Variants in BMP1 observed in about 807,000 individuals in gnomAD.
BMP1 encodes mammalian tolloid protein.
Under a neutral mutation model 116.8 loss-of-function variants are expected in BMP1, and 63 were observed. The observed-to-expected ratio is 0.54, with a 90% CI of 0.44 to 0.67. The LOEUF is 0.67. Among genes scored for constraint, BMP1 ranks in the 30% least tolerant of loss-of-function variants. BMP1 has a pLI of 0.00. For missense variants in BMP1, 1,183 were observed against 1,358.9 expected (o/e 0.87, Z 2.04); for synonymous variants, 536 against 533.4 (o/e 1.00, Z -0.07).
Position 22,201,053 on chromosome 8 carries a change from C to T in BMP1, c.2108-750C>T, listed in dbSNP as rs1829246584. ...CTGGGTCTGGTTTTCACTGCTGTCC[C>T]TCCCTGGTCCCTGCCCTCCACCCCC... On this transcript the variant is annotated intron_variant, in intron 15 of 19. Coordinates refer to ENST00000306385, the MANE Select transcript of BMP1 (RefSeq NM_006129.5). 3.6e-6 allele frequency: 5 copies of T among 1,385,388 alleles called. No individual in the cohort carries two copies. In the South Asian group the frequency reaches 4.6e-5, roughly 13 times the overall value. The allele number at this position is 1,385,388 out of a possible 1,614,324, so 85.8% of individuals were successfully genotyped here. A position where few individuals can be genotyped will look rare whatever the true frequency, so the allele number is the denominator to read the frequency against.
intron 19 of BMP1, among the ~76,000 whole-genome samples, chr8:22,210,094 C>T (rs76436943): frequency 0.014 from 2,134 of 152,380 alleles, 36 homozygotes; most frequent in African/African-American, 0.044. Flanking sequence ...GGCGCCTGAG[C>T]GGAGTGGCCC....
rs758551026 is a variant in BMP1 at position 22,206,843 on chromosome 8, C to T, written c.2234-11C>T. On this transcript the variant is annotated splice_polypyrimidine_tract_variant and intron_variant, in intron 16 of 19. Transcript: ENST00000306385. Reference sequence around the variant, plus strand: ...CCTCTCTATCCCCTTCCGTCACTCGCTTCCCTGCAGCCGGCTGTGACCACA... The same window carrying T: ...CCTCTCTATCCCCTTCCGTCACTCGTTTCCCTGCAGCCGGCTGTGACCACA... 1 of 1,614,048 alleles carries T rather than the reference C, an allele frequency of 6.2e-7. No individual in the cohort carries two copies. The highest frequency in any genetic ancestry group is 8.5e-7 in the Non-Finnish European group (1 of 1,180,008).
Position 22,211,986 on chromosome 8 carries a change from C to G in BMP1, c.*258C>G. 1.8e-6 allele frequency: 1 copy of G among 543,056 alleles called. No homozygotes were observed. The allele number at this position is 543,056 out of a possible 1,614,324, so 33.6% of individuals were successfully genotyped here. A position where few individuals can be genotyped will look rare whatever the true frequency, so the allele number is the denominator to read the frequency against. Reference sequence around the variant, plus strand: ...ACAAGACATTTCGAAGTCATCATTCCTCTCTTAGGGGGCCCTGCCTGGTGG... The same window carrying G: ...ACAAGACATTTCGAAGTCATCATTCGTCTCTTAGGGGGCCCTGCCTGGTGG... On this transcript the variant is annotated 3_prime_UTR_variant, in exon 20 of 20. Coordinates refer to ENST00000306385, the MANE Select transcript of BMP1 (RefSeq NM_006129.5).
chr8:22,191,892 G>A (rs1828941409), intron 8 of BMP1, among the ~76,000 whole-genome samples, 157 bp from the exon 9 acceptor site: 2 of 152,230 alleles, frequency 1.3e-5, no homozygotes, highest in African/African-American at 4.8e-5. Flanking sequence ...CTGTGGAGGA[G>A]GGGCGGTTCT....
intron 16 of BMP1, among the ~76,000 whole-genome samples, chr8:22,204,267 C>T (rs1217732016): frequency 6.6e-6 from 1 of 152,184 alleles, no homozygotes; most frequent in Non-Finnish European, 1.5e-5. Flanking sequence ...TAGACGGGAG[C>T]TTCACCTGCC....
At chr8:22,202,447 C>T (rs767182467) in intron 16 of BMP1, among the ~76,000 whole-genome samples, 3 of 152,218 alleles carry the variant, frequency 2.0e-5, no homozygotes, top group African/African-American at 4.8e-5. Context: ...CCTGGCTCAC[C>T]GCAAGCACAA....
At chr8:22,169,372 A>G (rs1461023956) in intron 1 of BMP1, 6 of 152,138 alleles carry the variant, frequency 3.9e-5, no homozygotes, top group Non-Finnish European at 5.9e-5. Flanking sequence ...GTCCATTTCT[A>G]AGTGCGCCCT....
intron 15 of BMP1, 124 bp downstream of exon 15, chr8:22,197,544 C>T (rs1829129599): frequency 9.3e-7 from 1 of 1,074,830 alleles, no homozygotes; most frequent in Non-Finnish European, 1.3e-6. Context: ...GAGTCTGCCC[C>T]CTGCTCCCCA....
Position 22,211,630 on chromosome 8 carries a change from C to T in BMP1, c.2863C>T (p.Leu955=). The part of the protein sequence containing the change: ...EEVYSAGDSV[L]VKFHSDDTIT... ...GGTGTACTCGGCGGGAGATTCTGTC[C>T]TGGTGAAGTTCCACTCGGATGACAC... is the stretch of plus-strand genomic sequence containing the variant. Residue 955 remains leucine, a synonymous_variant, in exon 20 of 20, where the codon CTG becomes TTG. Coordinates refer to ENST00000306385, the MANE Select transcript of BMP1 (RefSeq NM_006129.5). The T allele has an allele frequency of 6.2e-7, 1 of 1,614,216 alleles. No homozygotes were observed. Among genetic ancestry groups the T allele is most frequent in the African/African-American group, 1.3e-5 (1 of 75,068 alleles).
At chr8:22,184,474 C>T (rs757268737) in intron 8 of BMP1, among the ~76,000 whole-genome samples, 1 of 152,186 alleles carries the variant, frequency 6.6e-6, no homozygotes, top group Non-Finnish European at 1.5e-5. Context: ...GATTAATCAA[C>T]GCATGGTTGT....
At chr8:22,185,828 CTTTTTTT>C (rs71204540) in intron 8 of BMP1, among the ~76,000 whole-genome samples, 3 of 80,958 alleles carry the variant, frequency 3.7e-5, no homozygotes, top group Admixed American at 2.7e-4. Flanking sequence ...CACTGTCTTT[CTTTTTTT>C]TTTTTTTTTT....
intron 16 of BMP1, among the ~76,000 whole-genome samples, chr8:22,202,396 C>T (rs774210986): frequency 6.6e-6 from 1 of 152,200 alleles, no homozygotes; most frequent in Admixed American, 6.5e-5. Context: ...ATAGTACCCA[C>T]CTCAGAGAGG....
At position 22,165,425 on chromosome 8, in the gene BMP1, TGCCGCTGCTGCTCGG is replaced by T. The variant is rs748421960; in HGVS notation, c.23_37del (p.Pro8_Gly12del). 6.5e-7 allele frequency: 1 copy of T among 1,546,682 alleles called. No individual in the cohort carries two copies. The highest frequency in any genetic ancestry group is 2.6e-5 in the East Asian group (1 of 37,892). On this transcript the variant is annotated inframe_deletion, in exon 1 of 20. Coordinates refer to ENST00000306385, the MANE Select transcript of BMP1 (RefSeq NM_006129.5). ...GCCAGCATGCCCGGCGTGGCCCGCC[TGCCGCTGCTGCTCGG>T]GCTGCTGCTGCTCCCGCGTCCCGGC...
At position 22,179,516 on chromosome 8, in the gene BMP1, G is replaced by C. The variant is rs908832962; in HGVS notation, c.837-189G>C. 6.6e-6 allele frequency among the ~76,000 whole-genome samples: 1 copy of C among 152,202 alleles called. No homozygotes were observed. Among genetic ancestry groups the C allele is most frequent in the Non-Finnish European group, 1.5e-5 (1 of 68,026 alleles). On this transcript the variant is annotated intron_variant, in intron 6 of 19. Transcript: ENST00000306385. The surrounding 1 kb of genome is among the most constrained non-coding windows in gnomAD (Gnocchi z 4.6). ...CCGACTCCTGTGGTGTGGCTGCCACGGAGCAGGGTGGCTGCTGGTCAGTGG... is the reference window on the plus strand; with the variant it reads ...CCGACTCCTGTGGTGTGGCTGCCACCGAGCAGGGTGGCTGCTGGTCAGTGG...
Position 22,179,978 on chromosome 8 carries a change from C to G in BMP1, c.961+149C>G. On this transcript the variant is annotated intron_variant, in intron 7 of 19. Transcript: ENST00000306385. The surrounding 1 kb of genome is among the most constrained non-coding windows in gnomAD (Gnocchi z 4.6). ...GGGGACCCCATAGGAGGGGCAGTGT[C>G]CAAGTGAAGGAGGCCGCTGGGGGTA... is the stretch of plus-strand genomic sequence containing the variant. 1 of 945,582 alleles carries G rather than the reference C, an allele frequency of 1.1e-6. No individual in the cohort carries two copies. The highest frequency in any genetic ancestry group is 1.7e-5 in the South Asian group (1 of 57,678). 58.6% of individuals were successfully genotyped at this position (945,582 alleles called of 1,614,324 possible). A position where few individuals can be genotyped will look rare whatever the true frequency, so the allele number is the denominator to read the frequency against.
At chr8:22,197,470 G>T in intron 15 of BMP1, 50 bp downstream of exon 15, 1 of 1,558,616 alleles carries the variant, frequency 6.4e-7, no homozygotes, top group Non-Finnish European at 8.8e-7. Flanking sequence ...CGGAGAACAG[G>T]GCTCCCTTTC....
chr8:22,179,613 G>C lies in BMP1; in HGVS notation c.837-92G>C, dbSNP rs1212788715. ...CTGAGGAATGTCTGAGCTCCAGCAG[G>C]GTCGTGACTTGTGGGTACAGATGGG... On this transcript the variant is annotated intron_variant, in intron 6 of 19. Transcript: ENST00000306385. This position sits in a 1 kb window ranked among gnomAD's most constrained non-coding sequence, Gnocchi z 4.6. The C allele has an allele frequency of 4.2e-5, 67 of 1,597,212 alleles. No individual in the cohort carries two copies. Among genetic ancestry groups the C allele is most frequent in the Non-Finnish European group, 2.6e-6 (3 of 1,170,688 alleles).
In BMP1 at chr8:22,173,583, C is replaced by T; in HGVS notation, c.149-19C>T. 1 of 1,594,720 alleles carries T rather than the reference C, an allele frequency of 6.3e-7. No homozygotes were observed. Among genetic ancestry groups the T allele is most frequent in the Non-Finnish European group, 8.6e-7 (1 of 1,167,336 alleles). ...GGTAGGAGGATTAACTCAGCCCTGG[C>T]TTCTTCTTTTCTCTTTAGCTGCCTT... On this transcript the variant is annotated intron_variant, in intron 1 of 19. Coordinates refer to ENST00000306385, the MANE Select transcript of BMP1 (RefSeq NM_006129.5).
chr8:22,197,067 C>T (rs1481004911), intron 14 of BMP1, among the ~76,000 whole-genome samples, 173 bp from the exon 15 acceptor site: 1 of 152,074 alleles, frequency 6.6e-6, no homozygotes, highest in Admixed American at 6.5e-5. Context: ...GTTAGGGAGG[C>T]GTGTGGAGCA....
Sources: allele counts gnomAD v4.1 joint callset (sites outside exome capture counted in the v4.1 genomes callset), GRCh38; gene constraint gnomAD v4.1.1; non-coding constraint Gnocchi (gnomAD v3.1); transcripts MANE v1.5; gene names NCBI Gene and HGNC (gene_info 2026-07-23, HGNC 2026-07-21).